The following ARHGAP6 variants were observed in gnomAD, a reference collection of about 807,000 sequenced individuals.
ARHGAP6 encodes the protein rho GTPase-activating protein 6.
ARHGAP6 carries 16 observed loss-of-function variants against 55.7 expected under a neutral mutation model. That is an observed-to-expected ratio of 0.29 (90% CI 0.19 to 0.44). ARHGAP6 has a LOEUF of 0.44. Ranked by LOEUF, ARHGAP6 falls within the 20% of genes least tolerant of loss-of-function variation. ARHGAP6 has a pLI of 1.00. For synonymous variants in ARHGAP6, 382 were observed against 360.9 expected (o/e 1.06, Z -0.66); for missense variants, 698 against 808.9 (o/e 0.86, Z 1.66).
At chrX:11,519,873 C>A (rs1363698711) in intron 1 of ARHGAP6, among the ~76,000 whole-genome samples, 1 of 103,009 alleles carries the variant, frequency 9.7e-6, no homozygotes, top group African/African-American at 3.6e-5. Context: ...AGACCTAAAA[C>A]CATAAAAACC....
chrX:11,211,326 A>G (rs1012884219), intron 2 of ARHGAP6, among the ~76,000 whole-genome samples: 2 of 101,809 alleles, frequency 2.0e-5, no homozygotes, highest in East Asian at 6.1e-4. Flanking sequence ...GGTTCACGCC[A>G]TTCTCCTGCC....
chrX:11,543,451 G>A (rs2051180732), intron 1 of ARHGAP6, among the ~76,000 whole-genome samples: 1 of 112,351 alleles, frequency 8.9e-6, no homozygotes, highest in African/African-American at 3.2e-5. Flanking sequence ...GGCATCTAGT[G>A]GTTGGAGGCC....
chrX:11,391,265 G>A (rs1305537386), intron 1 of ARHGAP6, among the ~76,000 whole-genome samples: 2 of 111,008 alleles, frequency 1.8e-5, no homozygotes, highest in Non-Finnish European at 3.8e-5. Flanking sequence ...ATTGAACAAT[G>A]AGAACACATG....
intron 1 of ARHGAP6, among the ~76,000 whole-genome samples, chrX:11,357,273 T>C (rs5935029): frequency 0.06 from 6,699 of 111,526 alleles, 220 homozygotes; most frequent in African/African-American, 0.13. Context: ...TATTTACCTT[T>C]TATAATATAA....
At chrX:11,375,996 A>AATATT (rs927481265) in intron 1 of ARHGAP6, among the ~76,000 whole-genome samples, 4 of 112,215 alleles carry the variant, frequency 3.6e-5, no homozygotes, top group Non-Finnish European at 5.6e-5. Context: ...TAGTAACAAT[A>AATATT]AGGGAAAAAA....
At chrX:11,390,436 T>C (rs2049388217) in intron 1 of ARHGAP6, among the ~76,000 whole-genome samples, 1 of 111,284 alleles carries the variant, frequency 9.0e-6, no homozygotes, top group Non-Finnish European at 1.9e-5. Context: ...CCAAAAGCAA[T>C]GGCAACAAAA....
chrX:11,320,743 T>C (rs146226337), intron 1 of ARHGAP6, among the ~76,000 whole-genome samples: 137 of 103,773 alleles, frequency 1.3e-3, no homozygotes, highest in Non-Finnish European at 2.1e-3. Flanking sequence ...TGTGTTTTGC[T>C]CAATTCAAAG....
chrX:11,575,391 G>T (rs1472441480), intron 1 of ARHGAP6, among the ~76,000 whole-genome samples: 1 of 111,693 alleles, frequency 9.0e-6, no homozygotes, highest in African/African-American at 3.3e-5. Context: ...GCAGCAACAG[G>T]ACTATTCTAC....
At chrX:11,548,680 C>T (rs1393970720) in intron 1 of ARHGAP6, among the ~76,000 whole-genome samples, 1 of 111,325 alleles carries the variant, frequency 9.0e-6, no homozygotes, top group African/African-American at 3.3e-5. Context: ...GTGATCTCAG[C>T]TCACTGCAAC....
chrX:11,556,555 C>T (rs779969636), intron 1 of ARHGAP6, among the ~76,000 whole-genome samples: 1 of 112,288 alleles, frequency 8.9e-6, no homozygotes, highest in South Asian at 3.7e-4. Flanking sequence ...AAAAGACCAA[C>T]AGTCAAAACC....
chrX:11,188,128 A>C lies in ARHGAP6; in HGVS notation c.1077+600T>G, dbSNP rs111815681. ...AAGCTTTAGAGATGCTTATCAACTG[A>C]CTCAGCCAATCACCAACCAGTTTGC... On this transcript the variant is annotated intron_variant, in intron 4 of 12. Coordinates refer to ENST00000337414, the MANE Select transcript of ARHGAP6 (RefSeq NM_013427.3). Among the ~76,000 whole-genome samples the C allele has an allele frequency of 5.8e-4, 65 of 112,212 alleles. 1 individual carries two copies. The highest frequency in any genetic ancestry group is 1.8e-3 in the African/African-American group (57 of 30,864).
At chrX:11,618,588 G>T (rs920824338) in intron 1 of ARHGAP6, among the ~76,000 whole-genome samples, 1 of 112,015 alleles carries the variant, frequency 8.9e-6, no homozygotes, top group South Asian at 3.7e-4. Context: ...CCGAGCTCAT[G>T]CATGATTAAT....
intron 1 of ARHGAP6, among the ~76,000 whole-genome samples, chrX:11,284,072 G>A (rs2047892845): frequency 9.0e-6 from 1 of 111,556 alleles, no homozygotes; most frequent in South Asian, 3.8e-4. Context: ...CCTTTCTCAG[G>A]CCTACTAAAT....
chrX:11,346,753 A>AAGAAAGAAAGAAAGAAAGAAAGAAAGAG (rs1569308827), intron 1 of ARHGAP6, among the ~76,000 whole-genome samples: 2 of 110,553 alleles, frequency 1.8e-5, no homozygotes, highest in African/African-American at 6.6e-5. Flanking sequence ...GAAAGAAAGA[A>AAGAAAGAAAGAAAGAAAGAAAGAAAGAG]AGAGAGAAAG....
intron 1 of ARHGAP6, among the ~76,000 whole-genome samples, chrX:11,401,188 A>G (rs2049544231): frequency 9.0e-6 from 1 of 111,293 alleles, no homozygotes; most frequent in Non-Finnish European, 1.9e-5. Flanking sequence ...TTGGAAGAGC[A>G]TCCAAAAGCA....
At chrX:11,385,137 A>G (rs1372822515) in intron 1 of ARHGAP6, among the ~76,000 whole-genome samples, 1 of 111,638 alleles carries the variant, frequency 9.0e-6, no homozygotes, top group Non-Finnish European at 1.9e-5. Flanking sequence ...AGAATGGCAA[A>G]CCCTAGTTCT....
chrX:11,584,986 G>T (rs1255269693), intron 1 of ARHGAP6, among the ~76,000 whole-genome samples: 1 of 111,876 alleles, frequency 8.9e-6, no homozygotes, highest in Non-Finnish European at 1.9e-5. Context: ...ATGTGTCCAT[G>T]TGTTCTCATC....
chrX:11,593,283 G>A (rs951911541), intron 1 of ARHGAP6, among the ~76,000 whole-genome samples: 1 of 111,655 alleles, frequency 9.0e-6, no homozygotes, highest in Non-Finnish European at 1.9e-5. Context: ...GGCTCTCGTA[G>A]AGTGGCCTGC....
intron 1 of ARHGAP6, among the ~76,000 whole-genome samples, chrX:11,567,580 T>TATATATATA (rs2051459921): frequency 3.0e-5 from 3 of 100,396 alleles, no homozygotes; most frequent in Non-Finnish European, 4.1e-5. Flanking sequence ...TATATATATA[T>TATATATATA]TTGCCTCAGA....
Sources: allele counts gnomAD v4.1 joint callset (sites outside exome capture counted in the v4.1 genomes callset), GRCh38; gene constraint gnomAD v4.1.1; transcripts MANE v1.5; gene names NCBI Gene and HGNC (gene_info 2026-07-23, HGNC 2026-07-21).